Variants in ZNF3 observed in about 807,000 individuals in gnomAD.
ZNF3 encodes C2-H2 type zinc finger protein.
A neutral mutation model predicts 36.9 loss-of-function variants in ZNF3; 16 were observed. That is an observed-to-expected ratio of 0.43 (90% CI 0.29 to 0.66). The LOEUF is 0.66. Among genes scored for constraint, ZNF3 ranks in the 30% least tolerant of loss-of-function variants. The pLI is 0.13. For synonymous variants in ZNF3, 201 were observed against 201.9 expected (o/e 1.00, Z 0.04); for missense variants, 462 against 543.1 (o/e 0.85, Z 1.48).
chr7:100,080,989 G>A (rs1255767018), intron 1 of ZNF3, among the ~76,000 whole-genome samples: 3 of 152,078 alleles, frequency 2.0e-5, no homozygotes, highest in Non-Finnish European at 4.4e-5. Flanking sequence ...ATCTTCTCCT[G>A]GAGTTTACAA....
At chr7:100,075,989 C>T (rs1013095271) in intron 3 of ZNF3, among the ~76,000 whole-genome samples, 3 of 152,046 alleles carry the variant, frequency 2.0e-5, no homozygotes, top group Non-Finnish European at 2.9e-5. Flanking sequence ...CATATGATCC[C>T]GCTCTTGCAT....
At chr7:100,069,011 G>A (rs904380023), downstream of ZNF3, among the ~76,000 whole-genome samples, 8 of 151,030 alleles carry the variant, frequency 5.3e-5, no homozygotes, top group African/African-American at 1.9e-4. Context: ...TTTTTTTTTA[G>A]GAGAGAGAGC....
chr7:100,075,282 A>G lies in ZNF3; in HGVS notation c.145-21T>C, dbSNP rs546647619. ...AGCTCCTGAAACAACACGTGCTGGC[A>G]TGCAATTTCAGGGTGAGGAATGTGA... On this transcript the variant is annotated intron_variant, in intron 4 of 5. Coordinates refer to ENST00000299667, the MANE Select transcript of ZNF3 (RefSeq NM_032924.5). 4 of 1,614,046 alleles carry G rather than the reference A, an allele frequency of 2.5e-6. No individual in the cohort carries two copies. In the African/African-American group the frequency reaches 4.0e-5, roughly 16 times the overall value.
chr7:100,071,231 T>C lies in ZNF3; in HGVS notation c.1253A>G (p.His418Arg). 6.2e-7 allele frequency: 1 copy of C among 1,614,230 alleles called. No homozygotes were observed. The highest frequency in any genetic ancestry group is 8.5e-7 in the Non-Finnish European group (1 of 1,180,044). Residue 418 changes from histidine to arginine, a missense_variant, in exon 6 of 6, where the codon CAC becomes CGC. Physicochemically the swap from His to Arg is conservative, Grantham distance 29. Transcript: ENST00000299667. Reference sequence around the variant, plus strand: ...CCCATTCAAAGGCTTCTCTCCAGTGTGAATTCTCTGATGGCGAACAAGAGC... The same window carrying C: ...CCCATTCAAAGGCTTCTCTCCAGTGCGAATTCTCTGATGGCGAACAAGAGC... Reference protein sequence around the residue: ...SSALVRHQRIHTGEKPLNGIG... With the variant: ...SSALVRHQRIRTGEKPLNGIG...
chr7:100,073,814 G>A (rs937635778), intron 5 of ZNF3, among the ~76,000 whole-genome samples: 4 of 151,928 alleles, frequency 2.6e-5, no homozygotes, highest in African/African-American at 7.3e-5. Flanking sequence ...ATAATCCTTC[G>A]GAAAAGTCTC....
At chr7:100,066,110 C>G (rs1792637402), downstream of ZNF3, among the ~76,000 whole-genome samples, 1 of 151,958 alleles carries the variant, frequency 6.6e-6, no homozygotes, top group African/African-American at 2.4e-5. Context: ...TGGCTCAGAT[C>G]TGGAAAGCAG....
At chr7:100,080,111 T>C (rs1433339923) in intron 1 of ZNF3, among the ~76,000 whole-genome samples, 1 of 152,220 alleles carries the variant, frequency 6.6e-6, no homozygotes, top group Non-Finnish European at 1.5e-5. Context: ...GTATTTGCGT[T>C]GCACCCGTGG....
At chr7:100,080,721 G>C (rs1335445236) in intron 1 of ZNF3, among the ~76,000 whole-genome samples, 2 of 152,180 alleles carry the variant, frequency 1.3e-5, no homozygotes, top group Non-Finnish European at 2.9e-5. Context: ...GCTGAAGCAG[G>C]AGAAGCGCTT....
At chr7:100,065,431 A>C (rs1338599587), downstream of ZNF3, among the ~76,000 whole-genome samples, 1 of 152,076 alleles carries the variant, frequency 6.6e-6, no homozygotes, top group African/African-American at 2.4e-5. Context: ...CTCAAAAAAA[A>C]AAAAAATAAA....
At chr7:100,067,230 C>T (rs1016099402), downstream of ZNF3, among the ~76,000 whole-genome samples, 7 of 152,156 alleles carry the variant, frequency 4.6e-5, no homozygotes, top group Non-Finnish European at 8.8e-5. Context: ...TGAACAATCC[C>T]GGTGCTCCCC....
chr7:100,068,727 G>A (rs1307407743), downstream of ZNF3, among the ~76,000 whole-genome samples: 1 of 151,866 alleles, frequency 6.6e-6, no homozygotes, highest in Non-Finnish European at 1.5e-5. Context: ...CAATCACAGG[G>A]GCTCACTGCA....
intron 5 of ZNF3, among the ~76,000 whole-genome samples, chr7:100,074,520 C>G (rs1015528793): frequency 6.6e-6 from 1 of 152,164 alleles, no homozygotes; most frequent in African/African-American, 2.4e-5. Context: ...GATCCTCCTG[C>G]CTCAGCTTCT....
chr7:100,071,873 T>C lies in ZNF3; in HGVS notation c.611A>G (p.Glu204Gly). 2 of 1,614,216 alleles carry C rather than the reference T, an allele frequency of 1.2e-6. No homozygotes were observed. Among genetic ancestry groups the C allele is most frequent in the Non-Finnish European group, 1.7e-6 (2 of 1,180,022 alleles). Reference protein sequence around the residue: ...PVGDRPHKCDECSKSFNRTSD... With the variant: ...PVGDRPHKCDGCSKSFNRTSD... ...AGTTCGATTAAAGCTCTTGCTACAT[T>C]CATCACACTTATGGGGTCTGTCTCC... Residue 204 changes from glutamate (E) to glycine (G), a missense_variant, in exon 6 of 6, where the codon GAA becomes GGA. Glu to Gly is a moderately conservative substitution (Grantham distance 98). Transcript: ENST00000299667.
At chr7:100,068,175 C>T (rs4729573), downstream of ZNF3, among the ~76,000 whole-genome samples, 38,284 of 151,960 alleles carry the variant, frequency 0.25, 5,719 homozygotes, top group Middle Eastern at 0.42. Context: ...CAACCTCTGC[C>T]TCCTGGGTTC....
chr7:100,072,071 CT>C lies in ZNF3; in HGVS notation c.412del (p.Arg138GlyfsTer11), dbSNP rs1232448616. 6.2e-7 allele frequency: 1 copy of C among 1,614,230 alleles called. No individual in the cohort carries two copies. The highest frequency in any genetic ancestry group is 8.5e-7 in the Non-Finnish European group (1 of 1,180,054). On this transcript the variant is annotated frameshift_variant, in exon 6 of 6. Coordinates refer to ENST00000299667, the MANE Select transcript of ZNF3 (RefSeq NM_032924.5). LOFTEE classifies it high-confidence loss of function. ...TTCTCCAGGGGAGTTCCCCAGCGGC[CT>C]TTTCAGACTGACTTCTCGTTCATAG... ...EAYEREVSLK[R>X]PLGNSPGERL...
rs750456937 is a variant in ZNF3, at chr7:100,075,648, G to T, written c.56-18C>A. ...AGGAAGAGCTGAAGGGCAATAAAAGGGCCCAGGAATGAGTCCATCTGCTCT... is the reference window on the plus strand; with the variant it reads ...AGGAAGAGCTGAAGGGCAATAAAAGTGCCCAGGAATGAGTCCATCTGCTCT... On this transcript the variant is annotated intron_variant, in intron 3 of 5. Coordinates refer to ENST00000299667, the MANE Select transcript of ZNF3 (RefSeq NM_032924.5). 2.5e-6 allele frequency: 4 copies of T among 1,613,106 alleles called. No homozygotes were observed. The highest frequency in any genetic ancestry group is 3.4e-6 in the Non-Finnish European group (4 of 1,179,426).
In ZNF3 at chr7:100,070,166, GTTTT is replaced by G. The variant is rs148676350; in HGVS notation, c.*973_*976del. On this transcript the variant is annotated 3_prime_UTR_variant, in exon 6 of 6. Transcript: ENST00000299667. Reference sequence around the variant, plus strand: ...CTGGGCTTCGTTTTTTTGTTTTTTTGTTTTTTTTTTCTCCCTTTTGGGCTTTGCT... The same window carrying G: ...CTGGGCTTCGTTTTTTTGTTTTTTTGTTTTTTCTCCCTTTTGGGCTTTGCT... 1 of 827,456 alleles carries G rather than the reference GTTTT, an allele frequency of 1.2e-6. No individual in the cohort carries two copies. The highest frequency in any genetic ancestry group is 6.4e-5 in the Admixed American group (1 of 15,648). 51.3% of individuals were successfully genotyped at this position (827,456 alleles called of 1,614,324 possible). A position where few individuals can be genotyped will look rare whatever the true frequency, so the allele number is the denominator to read the frequency against.
At chr7:100,079,310 G>A (rs1794625243) in intron 2 of ZNF3, 1 of 152,260 alleles carries the variant, frequency 6.6e-6, no homozygotes, top group African/African-American at 2.4e-5. Flanking sequence ...TCACAGCTGG[G>A]TTAAGTGAAG....
downstream of ZNF3, among the ~76,000 whole-genome samples, chr7:100,065,633 A>G (rs539723905): frequency 6.6e-6 from 1 of 151,876 alleles, no homozygotes; most frequent in South Asian, 2.1e-4. Flanking sequence ...CTTCAGTTCC[A>G]TTCAGGGTGT....
Sources: gnomAD v4.1 joint callset for allele counts (sites outside exome capture counted in the v4.1 genomes callset) on GRCh38, gnomAD v4.1.1 for gene constraint, MANE v1.5 for transcripts, NCBI Gene and HGNC (gene_info 2026-07-23, HGNC 2026-07-21) for gene names.